NR2C2: variants seen among roughly 807,000 people sequenced by gnomAD.
NR2C2 encodes the protein nuclear receptor subfamily 2 group C member 2.
Under a neutral mutation model 62.9 loss-of-function variants are expected in NR2C2, and 6 were observed. That is an observed-to-expected ratio of 0.10 (90% confidence interval 0.05 to 0.19). NR2C2 has a LOEUF of 0.19. Among genes scored for constraint, NR2C2 ranks in the 10% least tolerant of loss-of-function variants. The probability of loss-of-function intolerance (pLI) is 1.00; values close to 1 mark genes in which losing one functional copy is unlikely to be tolerated. For synonymous variants in NR2C2, 272 were observed against 273.8 expected (o/e 0.99, Z 0.07); for missense variants, 479 against 762.7 (o/e 0.63, Z 4.38).
At chr3:14,981,725 G>T (rs1204506915) in intron 1 of NR2C2, among the ~76,000 whole-genome samples, 1 of 152,130 alleles carries the variant, frequency 6.6e-6, no homozygotes, top group African/African-American at 2.4e-5. Flanking sequence ...CAAAAGTAGG[G>T]AGGCCAACAG....
intron 1 of NR2C2, among the ~76,000 whole-genome samples, chr3:14,980,903 C>T (rs1032832972): frequency 4.6e-5 from 7 of 152,186 alleles, no homozygotes; most frequent in African/African-American, 1.2e-4. Flanking sequence ...ATGTGTGACA[C>T]GGTTCCCTGT....
intron 2 of NR2C2, 97 bp downstream of exon 2, chr3:15,004,083 G>A (rs1359794973): frequency 5.2e-6 from 5 of 970,550 alleles, no homozygotes; most frequent in Non-Finnish European, 7.5e-6. Flanking sequence ...TGTGCCTTTT[G>A]GGCATGAAAT....
At chr3:14,995,157 C>T (rs529053922) in intron 1 of NR2C2, among the ~76,000 whole-genome samples, 9 of 151,066 alleles carry the variant, frequency 6.0e-5, no homozygotes, top group African/African-American at 2.2e-4. Flanking sequence ...CGCCATCACG[C>T]CTGGCTAGTT....
Position 15,019,033 on chromosome 3 carries a change from A to T in NR2C2, c.377-1720A>T, listed in dbSNP as rs1315411712. Among the ~76,000 whole-genome samples, 105 of 149,266 alleles carry T rather than the reference A, an allele frequency of 7.0e-4. 3 individuals are homozygous for T. Among genetic ancestry groups the T allele is most frequent in the East Asian group, 5.3e-3 (27 of 5,140 alleles). ...TCTTGTCTTAAAAAAAAAAAAAAAA[A>T]AAAAAAGATTTTATTTTTATAAAAT... is the stretch of plus-strand genomic sequence containing the variant. On this transcript the variant is annotated intron_variant, in intron 4 of 13. Transcript: ENST00000425241.
intron 1 of NR2C2, among the ~76,000 whole-genome samples, chr3:14,958,162 A>G (rs1213751120): frequency 1.3e-5 from 2 of 152,176 alleles, no homozygotes; most frequent in Non-Finnish European, 2.9e-5. Flanking sequence ...TAGATACTTC[A>G]GTTTCCTTCA....
intron 1 of NR2C2, among the ~76,000 whole-genome samples, chr3:14,974,208 C>A (rs2040135425): frequency 6.6e-6 from 1 of 152,138 alleles, no homozygotes; most frequent in South Asian, 2.1e-4. Flanking sequence ...TGGTTTATTT[C>A]ACTTAGCATA....
intron 2 of NR2C2, chr3:15,004,488 T>G (rs1227811067): frequency 1.4e-6 from 2 of 1,394,574 alleles, no homozygotes; most frequent in South Asian, 2.9e-5. Context: ...TTACTAATTA[T>G]ATAATAACTT....
intron 1 of NR2C2, among the ~76,000 whole-genome samples, chr3:14,972,897 G>A (rs1199319010): frequency 6.6e-6 from 1 of 152,108 alleles, no homozygotes; most frequent in African/African-American, 2.4e-5. Flanking sequence ...ACTATCATGA[G>A]AACAGCACCA....
Position 15,043,683 on chromosome 3 carries a change from A to G in NR2C2, c.*675A>G, listed in dbSNP as rs1040850571. The stretch of plus-strand genomic sequence containing the variant: ...GCAGTAAGTGGGAGTGTGGTAGCAC[A>G]GTCGGTGGTGACCCAGTTCAGAAGC... On this transcript the variant is annotated 3_prime_UTR_variant, in exon 14 of 14. Transcript: ENST00000425241. The G allele has an allele frequency of 1.3e-5, 2 of 152,394 alleles. No homozygotes were observed. Among genetic ancestry groups the G allele is most frequent in the Non-Finnish European group, 2.9e-5 (2 of 68,050 alleles). The allele number at this position is 152,394 out of a possible 1,614,324, so 9.4% of individuals were successfully genotyped here.
At chr3:15,032,644 G>C in intron 10 of NR2C2, 144 bp downstream of exon 10, 1 of 930,650 alleles carries the variant, frequency 1.1e-6, no homozygotes, top group Non-Finnish European at 1.6e-6. Flanking sequence ...ATTAAATATA[G>C]TTAGTGGACT....
At chr3:14,973,065 T>C (rs1421697957) in intron 1 of NR2C2, among the ~76,000 whole-genome samples, 2 of 152,192 alleles carry the variant, frequency 1.3e-5, no homozygotes, top group Non-Finnish European at 2.9e-5. Flanking sequence ...GCAAGTACTT[T>C]GTTCCATTCT....
At chr3:14,965,267 T>TTCC (rs2039806955) in intron 1 of NR2C2, among the ~76,000 whole-genome samples, 1 of 152,220 alleles carries the variant, frequency 6.6e-6, no homozygotes, top group Non-Finnish European at 1.5e-5. Context: ...ATATCTGTGT[T>TTCC]TCCACCTGAG....
At chr3:14,965,517 C>T (rs1261418184) in intron 1 of NR2C2, among the ~76,000 whole-genome samples, 1 of 85,864 alleles carries the variant, frequency 1.2e-5, no homozygotes, top group Non-Finnish European at 2.1e-5. Context: ...TGTTGTTTCC[C>T]ATGGCAAAAA....
intron 1 of NR2C2, among the ~76,000 whole-genome samples, chr3:14,958,023 C>G (rs902890311): frequency 6.6e-6 from 1 of 152,226 alleles, no homozygotes; most frequent in Admixed American, 6.5e-5. Context: ...ATCTGTCTTT[C>G]CTTGCTACAT....
chr3:15,009,946 T>C (rs1304052012), intron 2 of NR2C2, among the ~76,000 whole-genome samples: 2 of 152,182 alleles, frequency 1.3e-5, no homozygotes, highest in Non-Finnish European at 2.9e-5. Flanking sequence ...CACATGGTCT[T>C]CTTATAAGGA....
intron 1 of NR2C2, among the ~76,000 whole-genome samples, chr3:14,987,907 T>C (rs931699898): frequency 6.6e-5 from 10 of 152,210 alleles, no homozygotes; most frequent in Non-Finnish European, 1.2e-4. Flanking sequence ...AGAATAAATA[T>C]CATCTTTTCC....
At chr3:14,999,962 G>A (rs1307083351) in intron 1 of NR2C2, among the ~76,000 whole-genome samples, 2 of 152,104 alleles carry the variant, frequency 1.3e-5, no homozygotes, top group Non-Finnish European at 2.9e-5. Context: ...TGACTACAAT[G>A]TGTAAAAATT....
rs1372307524 is a variant in NR2C2, at chr3:15,048,497, TTTATACATGCAAAA to T, written c.*5491_*5504del. 6.6e-6 allele frequency: 1 copy of T among 152,656 alleles called. No homozygotes were observed. Among genetic ancestry groups the T allele is most frequent in the African/African-American group, 2.4e-5 (1 of 41,460 alleles). 9.5% of individuals were successfully genotyped at this position (152,656 alleles called of 1,614,324 possible). ...TATAAATAATTTTGGTGTCTTGATA[TTTATACATGCAAAA>T]TAGAAAAAAAATGTTCAACATTTAT... On this transcript the variant is annotated 3_prime_UTR_variant, in exon 14 of 14. Transcript: ENST00000425241.
chr3:14,955,340 A>G (rs1013757755), intron 1 of NR2C2, among the ~76,000 whole-genome samples: 5 of 152,186 alleles, frequency 3.3e-5, no homozygotes, highest in Admixed American at 3.3e-4. Context: ...TAAGTCACAT[A>G]TTACGACTTA....
Sources: gnomAD v4.1 joint callset for allele counts (sites outside exome capture counted in the v4.1 genomes callset) on GRCh38, gnomAD v4.1.1 for gene constraint, MANE v1.5 for transcripts, NCBI Gene and HGNC (gene_info 2026-07-23, HGNC 2026-07-21) for gene names.